Variants in KCNQ1OT1 observed in about 807,000 individuals in gnomAD.
The protein encoded by KCNQ1OT1 is KCNQ1 opposite strand/antisense transcript 1.
exon 1 of KCNQ1OT1, chr11:2,681,841 C>A (rs1850403517): frequency 2.5e-6 from 1 of 398,454 alleles, no homozygotes; most frequent in Admixed American, 4.4e-5. Flanking sequence ...GCTCCCCAAA[C>A]ATCAAGGTAC....
Position 2,621,189 on chromosome 11 carries a change from G to A in KCNQ1OT1, n.78806C>T, listed in dbSNP as rs1477516588. ...GACGGGGTTTCACCATGTTGGCCAG[G>A]ATGGTCTCGAATACCTGACCCCAGA... On this transcript the variant is annotated non_coding_transcript_exon_variant, in exon 1 of 1. Transcript: ENST00000597346. The surrounding 1 kb of genome is among the most constrained non-coding windows in gnomAD (Gnocchi z 5.7). The A allele has an allele frequency of 5.0e-6, 2 of 397,452 alleles. No individual in the cohort carries two copies. The highest frequency in any genetic ancestry group is 2.1e-5 in the African/African-American group (1 of 48,544). The allele number at this position is 397,452 out of a possible 1,614,324, so 24.6% of individuals were successfully genotyped here.
rs1474625698 is a variant in KCNQ1OT1, at chr11:2,682,399, G to A, written n.17596C>T. 2.5e-6 allele frequency: 1 copy of A among 398,644 alleles called. No individual in the cohort carries two copies. The highest frequency in any genetic ancestry group is 3.6e-5 in the East Asian group (1 of 28,078). The allele number at this position is 398,644 out of a possible 1,614,324, so 24.7% of individuals were successfully genotyped here. ...TCAAGGAGCATGAGGGTATAGGCTGGCTGTTTCTATTCAGTGTTTTATCTT... is the reference window on the plus strand; with the variant it reads ...TCAAGGAGCATGAGGGTATAGGCTGACTGTTTCTATTCAGTGTTTTATCTT... On this transcript the variant is annotated non_coding_transcript_exon_variant, in exon 1 of 1. Coordinates refer to ENST00000597346, the Ensembl canonical transcript of KCNQ1OT1. The surrounding 1 kb of genome is among the most constrained non-coding windows in gnomAD (Gnocchi z 5.8).
At chr11:2,644,608 G>A in exon 1 of KCNQ1OT1, 1 of 398,490 alleles carries the variant, frequency 2.5e-6, no homozygotes, top group Non-Finnish European at 4.4e-6. Flanking sequence ...GAGTTGTCAT[G>A]TTTTGCCTTT....
At chr11:2,667,806 C>G (rs968429914) in exon 1 of KCNQ1OT1, 7 of 398,546 alleles carry the variant, frequency 1.8e-5, no homozygotes, top group East Asian at 3.6e-5. Context: ...ACCTGGGCTA[C>G]CCTGGTATAG....
At position 2,662,542 on chromosome 11, in the gene KCNQ1OT1, T is replaced by G. The variant is rs1849980862; in HGVS notation, n.37453A>C. On this transcript the variant is annotated non_coding_transcript_exon_variant, in exon 1 of 1. Transcript: ENST00000597346. ...AGGAAATGGCTGATTTTCCACGCCT[T>G]CCAGTTGGCCTTCCCCTGAGGCACA... 3.5e-5 allele frequency: 15 copies of G among 428,166 alleles called. No homozygotes were observed. The East Asian group carries it at 5.0e-4, about 14-fold the overall frequency. 26.5% of individuals were successfully genotyped at this position (428,166 alleles called of 1,614,324 possible).
At chr11:2,615,612 G>A (rs1278152197) in exon 1 of KCNQ1OT1, 1 of 397,828 alleles carries the variant, frequency 2.5e-6, no homozygotes, top group Non-Finnish European at 4.4e-6. Flanking sequence ...TTTGTCAAAT[G>A]CTTGTTCTGA....
exon 1 of KCNQ1OT1, chr11:2,644,437 A>G: frequency 2.5e-6 from 1 of 398,094 alleles, no homozygotes; most frequent in Non-Finnish European, 4.4e-6. Context: ...GGTTCTTTTT[A>G]TATCTATCTC....
At chr11:2,697,936 G>A (rs1165754199) in exon 1 of KCNQ1OT1, 1 of 398,488 alleles carries the variant, frequency 2.5e-6, no homozygotes. Flanking sequence ...CAGCATGTTA[G>A]GAAACACATT....
At chr11:2,633,287 AT>A in exon 1 of KCNQ1OT1, 1 of 398,396 alleles carries the variant, frequency 2.5e-6, no homozygotes, top group Non-Finnish European at 4.4e-6. Context: ...CCGGATATTA[AT>A]CCCTTGTCAG....
At chr11:2,628,901 CTT>C in exon 1 of KCNQ1OT1, 1 of 398,306 alleles carries the variant, frequency 2.5e-6, no homozygotes, top group Non-Finnish European at 4.4e-6. Context: ...CTCTTGGTGT[CTT>C]TGTCAAAGAT....
At position 2,659,421 on chromosome 11, in the gene KCNQ1OT1, T is replaced by C; in HGVS notation, n.40574A>G. On this transcript the variant is annotated non_coding_transcript_exon_variant, in exon 1 of 1. Transcript: ENST00000597346. This position sits in a 1 kb window ranked among gnomAD's most constrained non-coding sequence, Gnocchi z 4.3. ...ATGCATTTGAGATTCATCCATGTTGTTGCATAAATCATTAGTTAATTTCTT... is the reference window on the plus strand; with the variant it reads ...ATGCATTTGAGATTCATCCATGTTGCTGCATAAATCATTAGTTAATTTCTT... 1 of 398,626 alleles carries C rather than the reference T, an allele frequency of 2.5e-6. No homozygotes were observed. Among genetic ancestry groups the C allele is most frequent in the Non-Finnish European group, 4.4e-6 (1 of 226,040 alleles). 24.7% of individuals were successfully genotyped at this position (398,626 alleles called of 1,614,324 possible). A position where few individuals can be genotyped will look rare whatever the true frequency, so the allele number is the denominator to read the frequency against.
exon 1 of KCNQ1OT1, chr11:2,618,667 C>T (rs937162793): frequency 3.3e-5 from 13 of 398,344 alleles, no homozygotes; most frequent in Middle Eastern, 6.2e-4. Flanking sequence ...TTCAGAATTT[C>T]GTTGGCTACT....
Position 2,682,642 on chromosome 11 carries a change from C to T in KCNQ1OT1, n.17353G>A. The T allele has an allele frequency of 2.5e-6, 1 of 398,662 alleles. No homozygotes were observed. Among genetic ancestry groups the T allele is most frequent in the Non-Finnish European group, 4.4e-6 (1 of 226,104 alleles). The allele number at this position is 398,662 out of a possible 1,614,324, so 24.7% of individuals were successfully genotyped here. A position where few individuals can be genotyped will look rare whatever the true frequency, so the allele number is the denominator to read the frequency against. On this transcript the variant is annotated non_coding_transcript_exon_variant, in exon 1 of 1. Coordinates refer to ENST00000597346, the Ensembl canonical transcript of KCNQ1OT1. This position sits in a 1 kb window ranked among gnomAD's most constrained non-coding sequence, Gnocchi z 5.8. ...TCTTCTTCAGGCTCAGTCATCCCTG[C>T]TTCCCCAGGGCTCATGTCCACATGC...
At position 2,611,265 on chromosome 11, in the gene KCNQ1OT1, G is replaced by T. The variant is rs992669992; in HGVS notation, n.88730C>A. 1.6e-4 allele frequency: 65 copies of T among 397,364 alleles called. No individual in the cohort carries two copies. The highest frequency in any genetic ancestry group is 1.2e-3 in the Middle Eastern group (2 of 1,608). 24.6% of individuals were successfully genotyped at this position (397,364 alleles called of 1,614,324 possible). ...GATGGAGTCTCACTCTGTTGCCCAG[G>T]CTGGAGTGCAGTGGCGTGACCTTGG... On this transcript the variant is annotated non_coding_transcript_exon_variant, in exon 1 of 1. Transcript: ENST00000597346. This position sits in a 1 kb window ranked among gnomAD's most constrained non-coding sequence, Gnocchi z 5.3.
rs1037385860 is a variant in KCNQ1OT1 at position 2,614,969 on chromosome 11, G to A, written n.85026C>T. 4.5e-5 allele frequency: 18 copies of A among 398,414 alleles called. No individual in the cohort carries two copies. The Middle Eastern group carries it at 8.8e-3, about 195-fold the overall frequency. The allele number at this position is 398,414 out of a possible 1,614,324, so 24.7% of individuals were successfully genotyped here. On this transcript the variant is annotated non_coding_transcript_exon_variant, in exon 1 of 1. Transcript: ENST00000597346. ...TTTTGATAAGGGTTGCATTGAATCT[G>A]TAGATCACTGGGTAATATCGCCAAC... is the stretch of plus-strand genomic sequence containing the variant.
chr11:2,613,129 A>C lies in KCNQ1OT1; in HGVS notation n.86866T>G. 2.5e-6 allele frequency: 1 copy of C among 398,484 alleles called. No individual in the cohort carries two copies. The highest frequency in any genetic ancestry group is 4.4e-6 in the Non-Finnish European group (1 of 226,066). 24.7% of individuals were successfully genotyped at this position (398,484 alleles called of 1,614,324 possible). A position where few individuals can be genotyped will look rare whatever the true frequency, so the allele number is the denominator to read the frequency against. ...AACATCTTGAGCCAGTGAATCTTCC[A>C]CCCTCTGCTGAGGGGATCTATGTGT... is the stretch of plus-strand genomic sequence containing the variant. On this transcript the variant is annotated non_coding_transcript_exon_variant, in exon 1 of 1. Transcript: ENST00000597346. This position sits in a 1 kb window ranked among gnomAD's most constrained non-coding sequence, Gnocchi z 4.8.
exon 1 of KCNQ1OT1, chr11:2,688,177 C>G (rs1850524215): frequency 7.5e-6 from 3 of 398,626 alleles, no homozygotes; most frequent in Non-Finnish European, 1.3e-5. Flanking sequence ...GCAGACAGCT[C>G]CCAAGCAAGG....
At chr11:2,662,446 A>G (rs888007113) in exon 1 of KCNQ1OT1, 3 of 447,374 alleles carry the variant, frequency 6.7e-6, no homozygotes, top group Non-Finnish European at 1.2e-5. Flanking sequence ...AACCCTGGCC[A>G]AAGCCATGGG....
exon 1 of KCNQ1OT1, chr11:2,650,061 A>T: frequency 2.5e-6 from 1 of 398,204 alleles, no homozygotes; most frequent in South Asian, 1.3e-4. Flanking sequence ...CTTCTGCTTG[A>T]CTTAGCCGGC....
Sources: gnomAD v4.1 joint callset for allele counts on GRCh38, gnomAD v4.1.1 for gene constraint, Gnocchi (gnomAD v3.1) non-coding constraint, MANE v1.5 for transcripts, NCBI Gene and HGNC (gene_info 2026-07-23, HGNC 2026-07-21) for gene names.